WBP2: variants seen among roughly 807,000 people sequenced by gnomAD.
WBP2 encodes WW domain-binding protein 2.
A neutral mutation model predicts 33.0 loss-of-function variants in WBP2; 23 were observed. That is an observed-to-expected ratio of 0.70 (90% CI 0.50 to 0.99). The LOEUF is 0.99. WBP2 is among the 50% of genes least tolerant of loss of function. WBP2 has a pLI of 0.00. For missense variants in WBP2, 353 were observed against 358.0 expected (o/e 0.99, Z 0.11); for synonymous variants, 153 against 133.5 (o/e 1.15, Z -1.01).
At position 75,846,618 on chromosome 17, in the gene WBP2, A is replaced by T; in HGVS notation, c.*116T>A. ...CAATGCTAGTTCCTGGTAATTGTTT[A>T]TGATCAGACCTGGAGGGAGAACAAG... On this transcript the variant is annotated 3_prime_UTR_variant, in exon 8 of 8. Transcript: ENST00000254806. This position sits in a 1 kb window ranked among gnomAD's most constrained non-coding sequence, Gnocchi z 4.8. 1 of 1,256,902 alleles carries T rather than the reference A, an allele frequency of 8.0e-7. No homozygotes were observed. Among genetic ancestry groups the T allele is most frequent in the Non-Finnish European group, 1.1e-6 (1 of 883,974 alleles). The allele number at this position is 1,256,902 out of a possible 1,614,324, so 77.9% of individuals were successfully genotyped here.
chr17:75,848,722 A>T (rs2065010913), intron 3 of WBP2, 60 bp from the exon 4 acceptor site: 2 of 1,469,390 alleles, frequency 1.4e-6, no homozygotes, highest in African/African-American at 2.8e-5. Context: ...GCCCAAAGAG[A>T]TGGCTGTTTT....
intron 3 of WBP2, 28 bp downstream of exon 3, chr17:75,849,576 T>C (rs1197314614): frequency 3.7e-6 from 6 of 1,613,402 alleles, no homozygotes; most frequent in East Asian, 2.2e-5. Flanking sequence ...GCAGGCCCCA[T>C]GCGTGTCCCT....
intron 4 of WBP2, 172 bp from the exon 5 acceptor site, chr17:75,848,102 G>T: frequency 1.1e-6 from 1 of 878,986 alleles, no homozygotes; most frequent in Non-Finnish European, 1.8e-6. Flanking sequence ...CTTGGTCAGG[G>T]ATGAGAGAGG....
At chr17:75,855,025 C>G (rs563408854) in intron 1 of WBP2, 1 of 559,324 alleles carries the variant, frequency 1.8e-6, no homozygotes, top group South Asian at 2.0e-5. Context: ...CCCATGCAGA[C>G]GTCCCACCCC....
Position 75,846,680 on chromosome 17 carries a change from G to A in WBP2, c.*54C>T, listed in dbSNP as rs908605311. On this transcript the variant is annotated 3_prime_UTR_variant, in exon 8 of 8. Transcript: ENST00000254806. This position sits in a 1 kb window ranked among gnomAD's most constrained non-coding sequence, Gnocchi z 4.8. ...CCTCCCCAAGCCCCAGCACAGCCCCGATGGGAGGGGTAGGGTAGAGAGATG... is the reference window on the plus strand; with the variant it reads ...CCTCCCCAAGCCCCAGCACAGCCCCAATGGGAGGGGTAGGGTAGAGAGATG... The A allele has an allele frequency of 1.3e-5, 20 of 1,501,564 alleles. No individual in the cohort carries two copies. Among genetic ancestry groups the A allele is most frequent in the South Asian group, 5.2e-5 (4 of 77,036 alleles). 93.0% of individuals were successfully genotyped at this position (1,501,564 alleles called of 1,614,324 possible).
chr17:75,851,883 C>T (rs187759830), intron 1 of WBP2: 2 of 382,198 alleles, frequency 5.2e-6, no homozygotes, highest in Admixed American at 3.5e-5. Flanking sequence ...GAGCGGATGA[C>T]CCCTGGTCAG....
Position 75,855,159 on chromosome 17 carries a change from T to TGCC in WBP2, c.59+79_59+80insGGC. On this transcript the variant is annotated intron_variant, in intron 1 of 7. Coordinates refer to ENST00000254806, the MANE Select transcript of WBP2 (RefSeq NM_012478.4). ...CAGTGCTCCCTCTTCAGGGGCTTAT[T>TGCC]CCCCACCACCCACCACCCACCGCCC... The TGCC allele has an allele frequency of 5.4e-4, 519 of 964,040 alleles. 3 individuals are homozygous for TGCC. The highest frequency in any genetic ancestry group is 7.5e-4 in the Non-Finnish European group (479 of 642,700). 59.7% of individuals were successfully genotyped at this position (964,040 alleles called of 1,614,324 possible).
At chr17:75,848,114 C>A in intron 4 of WBP2, 184 bp from the exon 5 acceptor site, 1 of 796,980 alleles carries the variant, frequency 1.3e-6, no homozygotes, top group Non-Finnish European at 2.0e-6. Context: ...TGAGAGAGGA[C>A]GGGAGAGGTC....
At chr17:75,850,496 C>T (rs1352512234) in intron 2 of WBP2, among the ~76,000 whole-genome samples, 1 of 152,108 alleles carries the variant, frequency 6.6e-6, no homozygotes, top group African/African-American at 2.4e-5. Flanking sequence ...CCGCCCGCCT[C>T]GGCCTCCCAA....
chr17:75,848,334 C>G, intron 4 of WBP2: 2 of 596,380 alleles, frequency 3.4e-6, no homozygotes. Context: ...TGAGTCCAAA[C>G]AGCTTTGTCA....
intron 2 of WBP2, chr17:75,851,136 G>A (rs2065025130): frequency 6.2e-6 from 1 of 160,626 alleles, no homozygotes; most frequent in South Asian, 1.7e-4. Flanking sequence ...CATTCTGCGG[G>A]GTGGTACCGG....
intron 2 of WBP2, chr17:75,851,271 C>G: frequency 7.0e-6 from 2 of 287,472 alleles, no homozygotes; most frequent in Non-Finnish European, 1.4e-5. Context: ...TAATAATAGT[C>G]TGGCCTCCAG....
At position 75,849,708 on chromosome 17, in the gene WBP2, A is replaced by G; in HGVS notation, c.200T>C (p.Met67Thr). The G allele has an allele frequency of 6.2e-7, 1 of 1,614,192 alleles. No homozygotes were observed. Among genetic ancestry groups the G allele is most frequent in the Non-Finnish European group, 8.5e-7 (1 of 1,180,024 alleles). The change falls in exon 3 of 8, where the codon ATG (methionine) becomes ACG (threonine). Residue 67 changes from methionine (M) to threonine (T), a missense_variant. Physicochemically the swap from Met to Thr is moderately conservative, Grantham distance 81 (BLOSUM62 -1). Transcript: ENST00000254806. ...VIFLSKGKDA[M>T]QSFMMPFYLM... ...ATAAAATGGCATCATGAAGGACTGC[A>G]TGGCATCCTTGCCCTTGGACAGAAA...
At chr17:75,854,818 G>A (rs1202248516) in intron 1 of WBP2, among the ~76,000 whole-genome samples, 5 of 152,276 alleles carry the variant, frequency 3.3e-5, no homozygotes, top group Admixed American at 1.3e-4. Context: ...GTGAAATGTG[G>A]ACAGTAGTAG....
At chr17:75,855,940 T>A (rs2143940195), upstream of WBP2, among the ~76,000 whole-genome samples, 1 of 152,350 alleles carries the variant, frequency 6.6e-6, no homozygotes, top group South Asian at 2.1e-4. Flanking sequence ...CTCCCAGCGC[T>A]GAGCCCGGGG....
chr17:75,847,413 T>C (rs1468638654), intron 6 of WBP2, 74 bp downstream of exon 6: 33 of 1,551,454 alleles, frequency 2.1e-5, no homozygotes, highest in Non-Finnish European at 2.9e-5. Flanking sequence ...CTCTGGCCAT[T>C]CTGAGGCTCT....
intron 1 of WBP2, 43 bp downstream of exon 1, chr17:75,855,196 A>AC: frequency 7.6e-7 from 1 of 1,324,296 alleles, no homozygotes; most frequent in Non-Finnish European, 1.0e-6. Flanking sequence ...CTTCCTCGAC[A>AC]CCCGAACTTT....
In WBP2 at chr17:75,847,050, C is replaced by T. The variant is rs973179714; in HGVS notation, c.656-66G>A. 5.7e-6 allele frequency: 9 copies of T among 1,588,490 alleles called. No homozygotes were observed. In the African/African-American group the frequency reaches 1.1e-4, roughly 19 times the overall value. On this transcript the variant is annotated intron_variant, in intron 6 of 7. Coordinates refer to ENST00000254806, the MANE Select transcript of WBP2 (RefSeq NM_012478.4). ...CTCCCCCTGAGCTCAGCTAAGAGACCCCGGGCCCCCATGGCTCGGGGCAGC... is the reference window on the plus strand; with the variant it reads ...CTCCCCCTGAGCTCAGCTAAGAGACTCCGGGCCCCCATGGCTCGGGGCAGC...
At position 75,846,901 on chromosome 17, in the gene WBP2, C is replaced by T. The variant is rs1367476798; in HGVS notation, c.732+7G>A. On this transcript the variant is annotated splice_region_variant and intron_variant, in intron 7 of 7. Transcript: ENST00000254806. This position sits in a 1 kb window ranked among gnomAD's most constrained non-coding sequence, Gnocchi z 4.8. Reference sequence around the variant, plus strand: ...GGGGCTGCACCGGCACTGCCAAGCCCTCTCACCGTGGGCATGTAGACGTTG... The same window carrying T: ...GGGGCTGCACCGGCACTGCCAAGCCTTCTCACCGTGGGCATGTAGACGTTG... 3.7e-6 allele frequency: 6 copies of T among 1,614,100 alleles called. No homozygotes were observed. Among genetic ancestry groups the T allele is most frequent in the Admixed American group, 1.7e-5 (1 of 60,008 alleles).
Sources: gnomAD v4.1 joint callset for allele counts (sites outside exome capture counted in the v4.1 genomes callset) on GRCh38, gnomAD v4.1.1 for gene constraint, Gnocchi (gnomAD v3.1) non-coding constraint, MANE v1.5 for transcripts, NCBI Gene and HGNC (gene_info 2026-07-23, HGNC 2026-07-21) for gene names.